Variants in ZNF624 observed in about 807,000 individuals in gnomAD.
The protein encoded by ZNF624 is zinc finger protein 624.
ZNF624 carries 43 observed loss-of-function variants against 74.7 expected under a neutral mutation model. The ratio of observed to expected loss-of-function variants is 0.58; its 90% CI spans 0.45 to 0.74. The LOEUF is 0.74. Among genes scored for constraint, ZNF624 ranks in the 30% least tolerant of loss-of-function variants. The pLI is 0.00. For missense variants in ZNF624, 820 were observed against 1,030.0 expected (o/e 0.80, Z 2.79); for synonymous variants, 331 against 341.3 (o/e 0.97, Z 0.33).
intron 5 of ZNF624, among the ~76,000 whole-genome samples, chr17:16,633,155 GCAACC>G (rs1172360504): frequency 6.6e-6 from 1 of 152,122 alleles, no homozygotes; most frequent in African/African-American, 2.4e-5. Flanking sequence ...GGGAGGTATG[GCAACC>G]ACCATTTTAG....
chr17:16,636,956 T>C (rs1909347667), intron 3 of ZNF624, among the ~76,000 whole-genome samples: 1 of 152,164 alleles, frequency 6.6e-6, no homozygotes, highest in African/African-American at 2.4e-5. Context: ...TGGTTCAACA[T>C]GTGCAAATCA....
At chr17:16,617,722 C>G (rs530378419), downstream of ZNF624, 5 of 1,603,652 alleles carry the variant, frequency 3.1e-6, no homozygotes, top group African/African-American at 6.7e-5. Context: ...CTGTTCAGCT[C>G]GTAAAGGGCG....
chr17:16,638,154 C>T (rs1395743508), intron 3 of ZNF624, among the ~76,000 whole-genome samples: 3 of 152,152 alleles, frequency 2.0e-5, no homozygotes, highest in Non-Finnish European at 4.4e-5. Flanking sequence ...CAAATCAAAA[C>T]CACAATGAGA....
chr17:16,634,794 A>G, intron 3 of ZNF624, 38 bp from the exon 4 acceptor site: 3 of 1,575,528 alleles, frequency 1.9e-6, no homozygotes, highest in Non-Finnish European at 2.6e-6. Context: ...GAAACTATAC[A>G]ATTAGACTTG....
chr17:16,636,072 A>T (rs72835916), intron 3 of ZNF624, among the ~76,000 whole-genome samples: 6,212 of 152,274 alleles, frequency 0.041, 172 homozygotes, highest in Non-Finnish European at 0.057. Flanking sequence ...GTCATATCTA[A>T]GACACAGGAG....
At chr17:16,624,733 T>A in intron 5 of ZNF624, 1 of 449,124 alleles carries the variant, frequency 2.2e-6, no homozygotes, top group South Asian at 3.5e-5. Flanking sequence ...AAAAGTCCAT[T>A]CAGCTGGGCA....
downstream of ZNF624, chr17:16,617,943 G>C (rs1453664230): frequency 9.3e-7 from 1 of 1,080,986 alleles, no homozygotes; most frequent in East Asian, 2.6e-5. Flanking sequence ...GCCAGTAGCC[G>C]CGGTGCGGGT....
At chr17:16,642,648 A>G (rs1909493789) in intron 3 of ZNF624, among the ~76,000 whole-genome samples, 1 of 152,220 alleles carries the variant, frequency 6.6e-6, no homozygotes, top group Non-Finnish European at 1.5e-5. Context: ...ACACTAGACA[A>G]AAGACAAGAA....
chr17:16,634,307 T>C (rs1335668368), intron 4 of ZNF624, among the ~76,000 whole-genome samples: 1 of 152,158 alleles, frequency 6.6e-6, no homozygotes, highest in East Asian at 1.9e-4. Flanking sequence ...TAATAGATTG[T>C]GGAAATAAAC....
intron 5 of ZNF624, among the ~76,000 whole-genome samples, chr17:16,631,014 A>G (rs1200540855): frequency 6.6e-6 from 1 of 151,970 alleles, no homozygotes; most frequent in African/African-American, 2.4e-5. Flanking sequence ...TAGGCTGTAC[A>G]TTTTTTCAAG....
intron 5 of ZNF624, among the ~76,000 whole-genome samples, chr17:16,629,197 CAAAA>C (rs34250278): frequency 6.6e-4 from 39 of 59,484 alleles, no homozygotes; most frequent in East Asian, 4.1e-3. Flanking sequence ...GACTCCATCT[CAAAA>C]AAAAAAAAAA....
At chr17:16,626,312 AT>A (rs1185414505) in intron 5 of ZNF624, among the ~76,000 whole-genome samples, 4 of 152,188 alleles carry the variant, frequency 2.6e-5, no homozygotes, top group African/African-American at 9.7e-5. Flanking sequence ...TTTTACTTTT[AT>A]AAAATTTAAA....
At chr17:16,637,900 CA>C (rs1909372033) in intron 3 of ZNF624, among the ~76,000 whole-genome samples, 1 of 151,914 alleles carries the variant, frequency 6.6e-6, no homozygotes, top group African/African-American at 2.4e-5. Flanking sequence ...TTCTGCACAG[CA>C]AAAGAAACTA....
In ZNF624 at chr17:16,624,450, A is replaced by G. The variant is rs915348677; in HGVS notation, c.436T>C (p.Leu146=). 3 of 1,601,048 alleles carry G rather than the reference A, an allele frequency of 1.9e-6. No homozygotes were observed. Among genetic ancestry groups the G allele is most frequent in the Non-Finnish European group, 2.6e-6 (3 of 1,176,358 alleles). Residue 146 remains leucine (L), a synonymous_variant, in exon 6 of 6, where the codon TTA becomes CTA. Transcript: ENST00000311331. ...TTCTCTAGTATGGCCTCCTGTGATA[A>G]ATCTTCAGAAATAGCCTTTGTTCGT... The part of the protein sequence containing the change: ...ATRTKAISED[L]SQEAILEKLT...
chr17:16,622,428 T>G lies in ZNF624; in HGVS notation c.2458A>C (p.Asn820His), dbSNP rs1265515218. The G allele has an allele frequency of 1.2e-6, 2 of 1,614,066 alleles. No homozygotes were observed. Among genetic ancestry groups the G allele is most frequent in the Non-Finnish European group, 8.5e-7 (1 of 1,179,944 alleles). Residue 820 changes from asparagine to histidine, a missense_variant, in exon 6 of 6, where the codon AAC becomes CAC. By Grantham distance (68) the Asn-to-His change is moderately conservative. Transcript: ENST00000311331. ...CEECGKAFRT[N>H]SDFTVHLRMH... Reference sequence around the variant, plus strand: ...CTCAAGTGTACAGTAAAGTCTGAGTTAGTTCTGAAGGCTTTTCCACATTCT... The same window carrying G: ...CTCAAGTGTACAGTAAAGTCTGAGTGAGTTCTGAAGGCTTTTCCACATTCT...
At chr17:16,637,036 G>A (rs1453427022) in intron 3 of ZNF624, among the ~76,000 whole-genome samples, 1 of 152,090 alleles carries the variant, frequency 6.6e-6, no homozygotes, top group Non-Finnish European at 1.5e-5. Flanking sequence ...AATTAGGCAG[G>A]AGAAGGAAAT....
chr17:16,616,487 T>G (rs1009671105), downstream of ZNF624, among the ~76,000 whole-genome samples: 1 of 152,100 alleles, frequency 6.6e-6, no homozygotes, highest in Non-Finnish European at 1.5e-5. Context: ...ACAGTTAATT[T>G]AAAAATAAGC....
At chr17:16,645,182 G>A (rs1569047993) in intron 3 of ZNF624, among the ~76,000 whole-genome samples, 1 of 152,200 alleles carries the variant, frequency 6.6e-6, no homozygotes, top group Non-Finnish European at 1.5e-5. Flanking sequence ...GCTCATGCCT[G>A]TAATCCCAGC....
At chr17:16,634,347 T>G (rs754878987) in intron 4 of ZNF624, among the ~76,000 whole-genome samples, 3 of 152,218 alleles carry the variant, frequency 2.0e-5, no homozygotes, top group Non-Finnish European at 4.4e-5. Context: ...AATACATTTG[T>G]TTCTTTCTTC....
Sources: gnomAD v4.1 joint callset for allele counts (sites outside exome capture counted in the v4.1 genomes callset) on GRCh38, gnomAD v4.1.1 for gene constraint, MANE v1.5 for transcripts, NCBI Gene and HGNC (gene_info 2026-07-23, HGNC 2026-07-21) for gene names.